Variants in MACROD2 observed in about 807,000 individuals in gnomAD.
MACROD2 encodes the protein mono-ADP ribosylhydrolase 2.
In MACROD2, 36 loss-of-function variants were observed where a neutral mutation model predicts 70.4. The ratio of observed to expected loss-of-function variants is 0.51; its 90% CI spans 0.39 to 0.68. The LOEUF is 0.68. Ranked by LOEUF, MACROD2 falls within the 30% of genes least tolerant of loss-of-function variation. The pLI is 0.00. For synonymous variants in MACROD2, 172 were observed against 178.8 expected, an observed-to-expected ratio of 0.96 and a Z score of 0.30; for missense variants, 496 against 538.4, an observed-to-expected ratio of 0.92 and a Z score of 0.78.
intron 10 of MACROD2, among the ~76,000 whole-genome samples, chr20:15,898,712 T>C (rs945617817): frequency 1.3e-5 from 2 of 152,206 alleles, no homozygotes; most frequent in Non-Finnish European, 2.9e-5. Context: ...TTACCTGGGG[T>C]TGGCAGATGC....
intron 8 of MACROD2, among the ~76,000 whole-genome samples, chr20:15,797,747 G>A (rs11700387): frequency 0.12 from 18,628 of 152,188 alleles, 1,357 homozygotes; most frequent in Middle Eastern, 0.28. Flanking sequence ...TAGAGCAATG[G>A]TTCTCAAACT....
At chr20:14,088,222 C>T (rs1014358718) in intron 3 of MACROD2, among the ~76,000 whole-genome samples, 22 of 149,296 alleles carry the variant, frequency 1.5e-4, no homozygotes, top group African/African-American at 2.2e-4. Flanking sequence ...CCCAGCTACT[C>T]GGGAGGCTGA....
At chr20:14,742,957 G>A (rs1430154424) in intron 5 of MACROD2, among the ~76,000 whole-genome samples, 1 of 151,382 alleles carries the variant, frequency 6.6e-6, no homozygotes, top group South Asian at 2.1e-4. Flanking sequence ...TAGTAGAGAC[G>A]GGGTTTCACC....
At chr20:15,257,705 T>C (rs943430508) in intron 6 of MACROD2, among the ~76,000 whole-genome samples, 1 of 152,084 alleles carries the variant, frequency 6.6e-6, no homozygotes, top group Non-Finnish European at 1.5e-5. Flanking sequence ...ACAGCACATA[T>C]ATATGTATAG....
intron 4 of MACROD2, among the ~76,000 whole-genome samples, chr20:14,634,163 T>G (rs1031960578): frequency 6.6e-6 from 1 of 152,204 alleles, no homozygotes; most frequent in African/African-American, 2.4e-5. Context: ...CTACTCACCT[T>G]TCAAGATCCA....
At chr20:15,143,339 C>T (rs2145849929) in intron 5 of MACROD2, among the ~76,000 whole-genome samples, 1 of 152,224 alleles carries the variant, frequency 6.6e-6, no homozygotes, top group Non-Finnish European at 1.5e-5. Flanking sequence ...ATATCCTTTG[C>T]CCAAGTTTTG....
chr20:14,280,996 A>C (rs142936329), intron 3 of MACROD2, among the ~76,000 whole-genome samples: 2,638 of 152,286 alleles, frequency 0.017, 38 homozygotes, highest in Middle Eastern at 0.058. Flanking sequence ...AGGCCCCCAA[A>C]CAGCTTTACT....
intron 10 of MACROD2, among the ~76,000 whole-genome samples, chr20:15,919,071 T>C (rs910383879): frequency 4.6e-5 from 7 of 152,218 alleles, no homozygotes; most frequent in African/African-American, 1.7e-4. Flanking sequence ...GGCTGCCTGA[T>C]ATATTTTTTA....
chr20:14,563,054 G>A (rs987339893), intron 4 of MACROD2, among the ~76,000 whole-genome samples: 1 of 151,768 alleles, frequency 6.6e-6, no homozygotes, highest in African/African-American at 2.4e-5. Flanking sequence ...CCTTTACTTG[G>A]GCTAGATTAG....
intron 8 of MACROD2, among the ~76,000 whole-genome samples, chr20:15,617,921 T>G (rs2049060886): frequency 6.6e-6 from 1 of 151,906 alleles, no homozygotes; most frequent in Non-Finnish European, 1.5e-5. Flanking sequence ...AAAGAACAAT[T>G]GATGCAGGCA....
chr20:15,298,809 T>C (rs980915550), intron 6 of MACROD2, among the ~76,000 whole-genome samples: 1 of 152,102 alleles, frequency 6.6e-6, no homozygotes, highest in Non-Finnish European at 1.5e-5. Context: ...CCAGGCCTTA[T>C]GTTTTGCACT....
intron 3 of MACROD2, among the ~76,000 whole-genome samples, chr20:14,396,122 T>C (rs1357367509): frequency 6.6e-6 from 1 of 152,256 alleles, no homozygotes; most frequent in East Asian, 1.9e-4. Context: ...CTTTTAAATC[T>C]ATTGAGACAT....
At chr20:15,048,028 C>A (rs1178206624) in intron 5 of MACROD2, among the ~76,000 whole-genome samples, 1 of 152,110 alleles carries the variant, frequency 6.6e-6, no homozygotes, top group African/African-American at 2.4e-5. Flanking sequence ...CTTTAAGAAG[C>A]CGAGGCAGGC....
intron 6 of MACROD2, among the ~76,000 whole-genome samples, chr20:15,242,638 C>A (rs539711265): frequency 6.6e-6 from 1 of 151,668 alleles, no homozygotes; most frequent in Non-Finnish European, 1.5e-5. Context: ...TTTAAGCTAT[C>A]GTAAGAAAAC....
intron 6 of MACROD2, among the ~76,000 whole-genome samples, chr20:15,350,142 G>A (rs1423761658): frequency 6.6e-6 from 1 of 152,186 alleles, no homozygotes; most frequent in Non-Finnish European, 1.5e-5. Context: ...AAGAGAGAGA[G>A]TGAATACCTT....
intron 8 of MACROD2, among the ~76,000 whole-genome samples, chr20:15,735,858 T>C (rs539547618): frequency 9.2e-5 from 14 of 152,292 alleles, no homozygotes; most frequent in Non-Finnish European, 1.8e-4. Context: ...TCAGTGCAGA[T>C]TATAGATCTT....
chr20:14,485,019 C>G (rs1171651773), intron 3 of MACROD2, among the ~76,000 whole-genome samples: 1 of 146,786 alleles, frequency 6.8e-6, no homozygotes, highest in Non-Finnish European at 1.5e-5. Context: ...TATGGTAGCT[C>G]TGTTTTTGTT....
intron 10 of MACROD2, among the ~76,000 whole-genome samples, chr20:15,909,526 T>G (rs963772622): frequency 7.6e-5 from 10 of 131,200 alleles, no homozygotes; most frequent in African/African-American, 2.9e-4. Context: ...TTTTTTTTTT[T>G]TTTTTTTTTT....
At chr20:14,016,152 T>A (rs2052988155) in intron 2 of MACROD2, among the ~76,000 whole-genome samples, 1 of 152,198 alleles carries the variant, frequency 6.6e-6, no homozygotes, top group African/African-American at 2.4e-5. Context: ...CATTATTTAT[T>A]TTCTGTTTTG....
Sources: gnomAD v4.1 joint callset for allele counts (sites outside exome capture counted in the v4.1 genomes callset) on GRCh38, gnomAD v4.1.1 for gene constraint, MANE v1.5 for transcripts, NCBI Gene and HGNC (gene_info 2026-07-23, HGNC 2026-07-21) for gene names.